The following AK5 variants were observed in gnomAD, a reference collection of about 807,000 sequenced individuals.
AK5 encodes the protein adenylate kinase isoenzyme 5.
A neutral mutation model predicts 69.5 loss-of-function variants in AK5; 27 were observed. That is an observed-to-expected ratio of 0.39 (90% CI 0.29 to 0.54). The LOEUF is 0.54. Ranked by LOEUF, AK5 falls within the 20% of genes least tolerant of loss-of-function variation. AK5 has a pLI of 0.71. For missense variants in AK5, 531 were observed against 700.4 expected (o/e 0.76, Z 2.73); for synonymous variants, 260 against 244.4 (o/e 1.06, Z -0.60).
intron 5 of AK5, among the ~76,000 whole-genome samples, chr1:77,300,726 C>T (rs916207128): frequency 6.6e-6 from 1 of 152,132 alleles, no homozygotes; most frequent in Non-Finnish European, 1.5e-5. Context: ...AAGTCTGTTC[C>T]TGCTTCAGAC....
chr1:77,426,229 T>C (rs1651197495), intron 8 of AK5, among the ~76,000 whole-genome samples: 1 of 152,148 alleles, frequency 6.6e-6, no homozygotes. Context: ...ATATGTTGTC[T>C]ACAAGAAACC....
At chr1:77,528,584 C>T (rs3767035) in intron 12 of AK5, among the ~76,000 whole-genome samples, 6,886 of 152,304 alleles carry the variant, frequency 0.045, 229 homozygotes, top group East Asian at 0.15. Flanking sequence ...GTTTCTGTTA[C>T]CTTCCTATCT....
chr1:77,443,677 CTGTGTGTGTGTG>C (rs71244408), intron 8 of AK5, among the ~76,000 whole-genome samples: 49 of 134,116 alleles, frequency 3.7e-4, no homozygotes, highest in African/African-American at 9.4e-4. Context: ...TGTGGGGAGT[CTGTGTGTGTGTG>C]TGTGTGTGTG....
intron 12 of AK5, among the ~76,000 whole-genome samples, chr1:77,535,398 C>T (rs1658900927): frequency 6.6e-6 from 1 of 152,110 alleles, no homozygotes; most frequent in African/African-American, 2.4e-5. Flanking sequence ...GCATTATGCC[C>T]CACTCACCTG....
At chr1:77,510,520 AAAAGAAAAAGAAAG>A (rs1237005534) in intron 10 of AK5, among the ~76,000 whole-genome samples, 1 of 152,224 alleles carries the variant, frequency 6.6e-6, no homozygotes, top group East Asian at 1.9e-4. Context: ...GCTGCTAAAA[AAAAGAAAAAGAAAG>A]AAAGAAAAAG....
chr1:77,539,183 G>A (rs1387309804), intron 13 of AK5, among the ~76,000 whole-genome samples: 1 of 152,202 alleles, frequency 6.6e-6, no homozygotes, highest in African/African-American at 2.4e-5. Flanking sequence ...CATTTAGCAC[G>A]GATGACTCCA....
intron 6 of AK5, among the ~76,000 whole-genome samples, chr1:77,394,196 C>G (rs7543460): frequency 0.35 from 51,901 of 147,826 alleles, 10,226 homozygotes; most frequent in Non-Finnish European, 0.44. Flanking sequence ...ACCTGGGTGA[C>G]AGAGCGAGAC....
chr1:77,452,726 T>G lies in AK5; in HGVS notation c.1060-30591T>G, dbSNP rs924795238. Among the ~76,000 whole-genome samples, 5 of 152,232 alleles carry G rather than the reference T, an allele frequency of 3.3e-5. No homozygotes were observed. The East Asian group carries it at 9.6e-4, about 29-fold the overall frequency. On this transcript the variant is annotated intron_variant, in intron 8 of 13. Transcript: ENST00000354567. Reference sequence around the variant, plus strand: ...CAAGCATAGATAGAACAAACAAGTTTCACTGGGCCTGGCTGTCTGCTAGTG... The same window carrying G: ...CAAGCATAGATAGAACAAACAAGTTGCACTGGGCCTGGCTGTCTGCTAGTG...
At chr1:77,508,931 T>C (rs996116923) in intron 10 of AK5, among the ~76,000 whole-genome samples, 1 of 151,068 alleles carries the variant, frequency 6.6e-6, no homozygotes, top group Non-Finnish European at 1.5e-5. Flanking sequence ...AGAAGCACTA[T>C]GGAAGGAAAG....
intron 5 of AK5, among the ~76,000 whole-genome samples, chr1:77,301,879 GAGA>G (rs1659361493): frequency 6.6e-6 from 1 of 152,144 alleles, no homozygotes; most frequent in South Asian, 2.1e-4. Flanking sequence ...CAGTTCCTCT[GAGA>G]AGTTCTTCCT....
At chr1:77,306,488 T>G (rs1176736531) in intron 5 of AK5, among the ~76,000 whole-genome samples, 1 of 129,924 alleles carries the variant, frequency 7.7e-6, no homozygotes, top group Admixed American at 7.7e-5. Flanking sequence ...TGCTAGGTTT[T>G]TTTTTGTTTT....
At chr1:77,292,333 C>G (rs1220110612) in intron 2 of AK5, among the ~76,000 whole-genome samples, 13 of 151,996 alleles carry the variant, frequency 8.6e-5, no homozygotes, top group Non-Finnish European at 2.9e-5. Flanking sequence ...TGCAGACTAC[C>G]CAGTGCTTTT....
intron 10 of AK5, among the ~76,000 whole-genome samples, chr1:77,498,980 C>T (rs954270304): frequency 7.9e-5 from 12 of 152,204 alleles, no homozygotes; most frequent in Admixed American, 7.9e-4. Context: ...CTCTGAAGCC[C>T]TGGGCTTAAA....
intron 6 of AK5, among the ~76,000 whole-genome samples, chr1:77,346,852 A>C (rs763346351): frequency 1.3e-5 from 2 of 152,204 alleles, no homozygotes; most frequent in Admixed American, 6.5e-5. Flanking sequence ...CCTAAACATA[A>C]GAAAAGCAAA....
chr1:77,484,097 T>C (rs1353016449), intron 9 of AK5, among the ~76,000 whole-genome samples: 2 of 149,868 alleles, frequency 1.3e-5, no homozygotes, highest in African/African-American at 4.9e-5. Context: ...CCCAGGACGA[T>C]GAGGTTTCAG....
intron 10 of AK5, among the ~76,000 whole-genome samples, chr1:77,516,782 G>GA (rs567889049): frequency 2.0e-5 from 3 of 152,052 alleles, no homozygotes; most frequent in Non-Finnish European, 4.4e-5. Context: ...AAGAAATGGG[G>GA]AGAGGGGCCC....
intron 7 of AK5, among the ~76,000 whole-genome samples, chr1:77,411,288 A>G (rs1650030908): frequency 6.6e-6 from 1 of 152,224 alleles, no homozygotes; most frequent in Non-Finnish European, 1.5e-5. Flanking sequence ...CAGTCATTGC[A>G]CATGTAAATT....
chr1:77,441,999 A>G (rs976281664), intron 8 of AK5, among the ~76,000 whole-genome samples: 2 of 152,186 alleles, frequency 1.3e-5, no homozygotes, highest in African/African-American at 4.8e-5. Context: ...GGCAGGGCAC[A>G]GCCCTGGCCT....
At chr1:77,352,768 G>A (rs2123796) in intron 6 of AK5, among the ~76,000 whole-genome samples, 144,184 of 152,302 alleles carry the variant, frequency 0.95, 68,740 homozygotes, top group East Asian at 1. Context: ...AGAAGGAAGT[G>A]AAGAAAAGAA....
Sources: allele counts gnomAD v4.1 joint callset (sites outside exome capture counted in the v4.1 genomes callset), GRCh38; gene constraint gnomAD v4.1.1; transcripts MANE v1.5; gene names NCBI Gene and HGNC (gene_info 2026-07-23, HGNC 2026-07-21).